Variants in TNIK observed in about 807,000 individuals in gnomAD.
TNIK encodes TRAF2 and NCK interacting kinase.
A neutral mutation model predicts 191.3 loss-of-function variants in TNIK; 49 were observed. The ratio of observed to expected loss-of-function variants is 0.26; its 90% confidence interval spans 0.20 to 0.32. TNIK has a LOEUF of 0.32. TNIK is among the 10% of genes least tolerant of loss of function. TNIK has a pLI of 1.00. For missense variants in TNIK, 1,155 were observed against 1,702.3 expected (o/e 0.68, Z 5.66); for synonymous variants, 594 against 600.9 (o/e 0.99, Z 0.17).
At chr3:171,327,948 AG>A in intron 2 of TNIK, among the ~76,000 whole-genome samples, 1 of 142,354 alleles carries the variant, frequency 7.0e-6, no homozygotes, top group Non-Finnish European at 1.5e-5. Flanking sequence ...GTTTGGAAAA[AG>A]AACCCTGAAC....
intron 2 of TNIK, among the ~76,000 whole-genome samples, chr3:171,301,559 C>T (rs1752884657): frequency 6.6e-6 from 1 of 152,194 alleles, no homozygotes; most frequent in African/African-American, 2.4e-5. Context: ...AAGTGATCCG[C>T]CTGCCTCAGC....
intron 3 of TNIK, among the ~76,000 whole-genome samples, chr3:171,222,736 T>C (rs1183190307): frequency 6.6e-6 from 1 of 152,140 alleles, no homozygotes; most frequent in East Asian, 1.9e-4. Context: ...TGGAGGCTGG[T>C]CATAAGCTTC....
At chr3:171,331,903 TA>T (rs1756455110) in intron 2 of TNIK, among the ~76,000 whole-genome samples, 1 of 151,828 alleles carries the variant, frequency 6.6e-6, no homozygotes, top group South Asian at 2.1e-4. Flanking sequence ...CATTTTATAT[TA>T]TTTTTAAAGT....
intron 1 of TNIK, among the ~76,000 whole-genome samples, chr3:171,390,570 C>T (rs1014112377): frequency 3.9e-5 from 6 of 152,142 alleles, no homozygotes; most frequent in African/African-American, 1.4e-4. Context: ...GAACTAAATG[C>T]CTTGGTTAGG....
intron 3 of TNIK, among the ~76,000 whole-genome samples, chr3:171,216,822 G>T (rs958195783): frequency 6.6e-6 from 1 of 151,978 alleles, no homozygotes; most frequent in Admixed American, 6.6e-5. Flanking sequence ...ACAATAGATT[G>T]TAATAAATAA....
intron 2 of TNIK, among the ~76,000 whole-genome samples, chr3:171,355,887 C>A (rs184299440): frequency 6.6e-6 from 1 of 152,168 alleles, no homozygotes; most frequent in African/African-American, 2.4e-5. Context: ...TCTCTCCCCA[C>A]CCTCAACCCC....
At chr3:171,257,635 C>G (rs1747050820) in intron 2 of TNIK, among the ~76,000 whole-genome samples, 1 of 152,208 alleles carries the variant, frequency 6.6e-6, no homozygotes, top group South Asian at 2.1e-4. Flanking sequence ...CTTGAGAACC[C>G]ATGCCACTTT....
chr3:171,137,719 G>A (rs767724443), intron 15 of TNIK, among the ~76,000 whole-genome samples: 1 of 152,202 alleles, frequency 6.6e-6, no homozygotes, highest in Non-Finnish European at 1.5e-5. Context: ...GAGGTCAACT[G>A]TGCATCTGCT....
At chr3:171,241,036 T>C (rs1408121260) in intron 2 of TNIK, among the ~76,000 whole-genome samples, 1 of 92,060 alleles carries the variant, frequency 1.1e-5, no homozygotes, top group Non-Finnish European at 2.0e-5. Flanking sequence ...TTTTCTTTTC[T>C]TTTTTTTTTT....
At chr3:171,380,275 A>T (rs553261558) in intron 1 of TNIK, among the ~76,000 whole-genome samples, 3 of 152,238 alleles carry the variant, frequency 2.0e-5, no homozygotes, top group Non-Finnish European at 4.4e-5. Context: ...CGAGGTGGAA[A>T]TGATGGGAAC....
At chr3:171,307,892 T>A (rs1321145112) in intron 2 of TNIK, among the ~76,000 whole-genome samples, 1 of 152,160 alleles carries the variant, frequency 6.6e-6, no homozygotes, top group Non-Finnish European at 1.5e-5. Context: ...AGAGGCTATG[T>A]GCCACGAGAT....
intron 2 of TNIK, among the ~76,000 whole-genome samples, chr3:171,298,807 AAAT>A (rs916857330): frequency 6.6e-6 from 1 of 152,216 alleles, no homozygotes; most frequent in African/African-American, 2.4e-5. Context: ...ATCCTGAAAA[AAAT>A]AATGTGTAAG....
rs767523616 is a variant in TNIK at position 171,211,232 on chromosome 3, C to T, written c.190G>A (p.Glu64Lys). The T allele has an allele frequency of 1.9e-6, 3 of 1,609,128 alleles. No homozygotes were observed. The highest frequency in any genetic ancestry group is 2.5e-6 in the Non-Finnish European group (3 of 1,177,838). The change falls in exon 4 of 33, where the codon GAA becomes AAA. Residue 64 changes from glutamate to lysine, a missense_variant. Glu to Lys is a moderately conservative substitution (Grantham distance 56, BLOSUM62 1). This residue lies in a region of TNIK where 225 missense variants were observed against 438.9 expected (regional missense o/e 0.51). Transcript: ENST00000436636. ...KVMDVTGDEE[E>K]EIKQEINMLK... ...ATGTTAATTTCTTGTTTGATTTCTT[C>T]CTCTTCATCCTGTATGAGAACAATA...
At chr3:171,144,078 C>T (rs1266078145) in intron 12 of TNIK, among the ~76,000 whole-genome samples, 1 of 152,202 alleles carries the variant, frequency 6.6e-6, no homozygotes, top group African/African-American at 2.4e-5. Flanking sequence ...GTCCTGCTAT[C>T]AGAAAAGAAT....
At chr3:171,114,328 C>G (rs188081018) in intron 18 of TNIK, among the ~76,000 whole-genome samples, 1 of 152,190 alleles carries the variant, frequency 6.6e-6, no homozygotes, top group African/African-American at 2.4e-5. Flanking sequence ...TTGCTCTGCC[C>G]AGTTTAAGAG....
rs569442058 is a variant in TNIK, at chr3:171,422,701, G to A, written c.57+37306C>T. 1.8e-4 allele frequency among the ~76,000 whole-genome samples: 28 copies of A among 152,300 alleles called. 2 individuals carry two copies. In the South Asian group the frequency reaches 5.8e-3, roughly 32 times the overall value. ...GGACCCTAAGTTAGCCTTGACCCTT[G>A]AAGAGCTCATAGTCCAATAAAACTG... is the stretch of plus-strand genomic sequence containing the variant. On this transcript the variant is annotated intron_variant, in intron 1 of 32. Transcript: ENST00000436636.
At chr3:171,097,206 A>C (rs914618861) in intron 22 of TNIK, among the ~76,000 whole-genome samples, 3 of 152,204 alleles carry the variant, frequency 2.0e-5, no homozygotes, top group African/African-American at 7.2e-5. Context: ...CCATATTACA[A>C]ATGTATGAAC....
rs577632513 is a variant in TNIK at position 171,379,773 on chromosome 3, G to A, written c.58-10088C>T. Reference sequence around the variant, plus strand: ...CGCCTGTAATCCCAGCACTTTGGGAGGCTGAGGCGGGCAGATCACGAGGTC... The same window carrying A: ...CGCCTGTAATCCCAGCACTTTGGGAAGCTGAGGCGGGCAGATCACGAGGTC... On this transcript the variant is annotated intron_variant, in intron 1 of 32. Transcript: ENST00000436636. 3.9e-5 allele frequency among the ~76,000 whole-genome samples: 6 copies of A among 152,286 alleles called. No individual in the cohort carries two copies. The East Asian group carries it at 9.7e-4, about 25-fold the overall frequency.
intron 3 of TNIK, among the ~76,000 whole-genome samples, chr3:171,221,038 T>C (rs565256865): frequency 1.3e-5 from 2 of 152,230 alleles, no homozygotes; most frequent in South Asian, 2.1e-4. Context: ...AAAGTGTGCA[T>C]GGAGTGGGCA....
Sources: gnomAD v4.1 joint callset for allele counts (sites outside exome capture counted in the v4.1 genomes callset) on GRCh38, gnomAD v4.1.1 for gene constraint, gnomAD v4.1.1 regional missense constraint, MANE v1.5 for transcripts, NCBI Gene and HGNC (gene_info 2026-07-23, HGNC 2026-07-21) for gene names.